SLC35B4: variants seen among roughly 807,000 people sequenced by gnomAD.
SLC35B4 encodes the protein nucleotide sugar transporter SLC35B4.
Under a neutral mutation model 39.5 loss-of-function variants are expected in SLC35B4, and 28 were observed. The ratio of observed to expected loss-of-function variants is 0.71; its 90% CI spans 0.53 to 0.97. The LOEUF is 0.97. SLC35B4 is among the 50% of genes least tolerant of loss of function. SLC35B4 has a pLI of 0.00. For missense variants in SLC35B4, 334 were observed against 414.3 expected (o/e 0.81, Z 1.68); for synonymous variants, 145 against 150.4 (o/e 0.96, Z 0.26).
chr7:134,320,092 C>T (rs1024563145), upstream of SLC35B4, among the ~76,000 whole-genome samples: 1 of 152,092 alleles, frequency 6.6e-6, no homozygotes, highest in South Asian at 2.1e-4. Flanking sequence ...ACAAACCACC[C>T]CAAACTGTAG....
chr7:134,299,412 A>AAC, intron 8 of SLC35B4, 111 bp downstream of exon 8: 1 of 768,562 alleles, frequency 1.3e-6, no homozygotes, highest in Non-Finnish European at 2.1e-6. Context: ...TTTCGAAAGG[A>AAC]ACACATGATT....
rs1803353782 is a variant in SLC35B4 at position 134,292,460 on chromosome 7, T to C, written c.*2373A>G. ...CTATTCATAAGACTGGCTGAGGTAT[T>C]CACGCTGAGATGAATACACATGCTC... On this transcript the variant is annotated 3_prime_UTR_variant, in exon 10 of 10. Coordinates refer to ENST00000378509, the MANE Select transcript of SLC35B4 (RefSeq NM_032826.5). 6.6e-6 allele frequency: 1 copy of C among 152,182 alleles called. No homozygotes were observed. The highest frequency in any genetic ancestry group is 2.1e-4 in the South Asian group (1 of 4,828). The allele number at this position is 152,182 out of a possible 1,614,324, so 9.4% of individuals were successfully genotyped here.
At chr7:134,320,338 T>C (rs943261472), upstream of SLC35B4, among the ~76,000 whole-genome samples, 2 of 152,146 alleles carry the variant, frequency 1.3e-5, no homozygotes, top group African/African-American at 4.8e-5. Flanking sequence ...GCTCACAACA[T>C]GGTGGATTCA....
chr7:134,300,297 T>G, intron 6 of SLC35B4, 36 bp from the exon 7 acceptor site: 1 of 1,439,352 alleles, frequency 6.9e-7, no homozygotes, highest in Non-Finnish European at 9.6e-7. Context: ...GATGTCTGCA[T>G]TTGTTCATTT....
At chr7:134,295,137 G>A in intron 9 of SLC35B4, 58 bp from the exon 10 acceptor site, 1 of 1,584,240 alleles carries the variant, frequency 6.3e-7, no homozygotes, top group Non-Finnish European at 8.6e-7. Flanking sequence ...ATCAGTGAGA[G>A]AACCTTCTGG....
rs192195922 is a variant in SLC35B4 at position 134,290,157 on chromosome 7, A to C, written c.*4676T>G. ...TCTTGCACTTTCTTCCTGAGCATCA[A>C]ATATGTAAGGTGCTAACTACATAAT... On this transcript the variant is annotated 3_prime_UTR_variant, in exon 10 of 10. Transcript: ENST00000378509. 6.6e-6 allele frequency: 1 copy of C among 152,306 alleles called. No homozygotes were observed. The highest frequency in any genetic ancestry group is 1.5e-5 in the Non-Finnish European group (1 of 68,028). 9.4% of individuals were successfully genotyped at this position (152,306 alleles called of 1,614,324 possible). A position where few individuals can be genotyped will look rare whatever the true frequency, so the allele number is the denominator to read the frequency against.
chr7:134,316,200 G>A (rs898646241), intron 1 of SLC35B4, among the ~76,000 whole-genome samples: 1 of 152,176 alleles, frequency 6.6e-6, no homozygotes, highest in Non-Finnish European at 1.5e-5. Flanking sequence ...AAGTCAGACT[G>A]CTTTACAAGT....
chr7:134,315,205 T>C (rs2117325526), intron 1 of SLC35B4, among the ~76,000 whole-genome samples: 1 of 152,350 alleles, frequency 6.6e-6, no homozygotes, highest in Admixed American at 6.5e-5. Flanking sequence ...TTAGATATCT[T>C]GGGTCCCATT....
In SLC35B4 at chr7:134,294,915, A is replaced by G. The variant is rs200680990; in HGVS notation, c.914T>C (p.Ile305Thr). The change falls in exon 10 of 10, where the codon ATT becomes ACT. Residue 305 changes from isoleucine to threonine, a missense_variant. Transcript: ENST00000378509. ...WHWLGTLFVF[I>T]GTLMYTEVWN... ...CACCTCTGTGTACATTAAGGTCCCAATGAAGACAAACAAGGTGCCCAGCCA... is the reference window on the plus strand; with the variant it reads ...CACCTCTGTGTACATTAAGGTCCCAGTGAAGACAAACAAGGTGCCCAGCCA... The G allele has an allele frequency of 5.9e-5, 95 of 1,614,162 alleles. 1 individual carries two copies. In the South Asian group the frequency reaches 6.3e-4, roughly 11 times the overall value.
Position 134,294,823 on chromosome 7 carries a change from C to T in SLC35B4, c.*10G>A. 6.2e-7 allele frequency: 1 copy of T among 1,613,660 alleles called. No homozygotes were observed. Among genetic ancestry groups the T allele is most frequent in the South Asian group, 1.1e-5 (1 of 90,968 alleles). ...CACGACGACACTGGTCTACGTACTC[C>T]AGACAGGCCTCAGTTCTTCTTGCTG... is the stretch of plus-strand genomic sequence containing the variant. On this transcript the variant is annotated 3_prime_UTR_variant, in exon 10 of 10. Coordinates refer to ENST00000378509, the MANE Select transcript of SLC35B4 (RefSeq NM_032826.5).
Position 134,316,655 on chromosome 7 carries a change from G to A in SLC35B4, c.77+20C>T, listed in dbSNP as rs971900298. 1 of 1,548,892 alleles carries A rather than the reference G, an allele frequency of 6.5e-7. No individual in the cohort carries two copies. Among genetic ancestry groups the A allele is most frequent in the Middle Eastern group, 1.8e-4 (1 of 5,504 alleles). On this transcript the variant is annotated intron_variant, in intron 1 of 9. Transcript: ENST00000378509. Reference sequence around the variant, plus strand: ...CGCCCCGCCCCGGGAGACCGGGTGCGGCCCGAGCGGGTCACTCACCGGGCC... The same window carrying A: ...CGCCCCGCCCCGGGAGACCGGGTGCAGCCCGAGCGGGTCACTCACCGGGCC...
chr7:134,318,217 G>A (rs1585651358), upstream of SLC35B4, among the ~76,000 whole-genome samples: 1 of 152,082 alleles, frequency 6.6e-6, no homozygotes, highest in African/African-American at 2.4e-5. Context: ...CTTGTGTATG[G>A]GTTCTAGAAA....
At chr7:134,315,880 T>G (rs1585649293) in intron 1 of SLC35B4, among the ~76,000 whole-genome samples, 1 of 152,280 alleles carries the variant, frequency 6.6e-6, no homozygotes, top group African/African-American at 2.4e-5. Context: ...TCCTGGAGGC[T>G]TTTCCACACC....
At chr7:134,313,542 C>T (rs918183413) in intron 1 of SLC35B4, among the ~76,000 whole-genome samples, 2 of 152,168 alleles carry the variant, frequency 1.3e-5, no homozygotes, top group Non-Finnish European at 2.9e-5. Flanking sequence ...AATATCAAGG[C>T]ACTCGTCCAT....
At position 134,311,788 on chromosome 7, in the gene SLC35B4, GC is replaced by G. The variant is rs546560091; in HGVS notation, c.78-2310del. On this transcript the variant is annotated intron_variant, in intron 1 of 9. Coordinates refer to ENST00000378509, the MANE Select transcript of SLC35B4 (RefSeq NM_032826.5). ...GCTTTCCACTTGATTGTCACATGCA[GC>G]CAGGTTGGAGAAATACCAGTCAAGG... 5.2e-3 allele frequency among the ~76,000 whole-genome samples: 790 copies of G among 152,302 alleles called. 11 individuals are homozygous for G. The highest frequency in any genetic ancestry group is 6.8e-3 in the Middle Eastern group (2 of 294).
At position 134,295,034 on chromosome 7, in the gene SLC35B4, G is replaced by C; in HGVS notation, c.795C>G (p.Ala265=). 1 of 1,614,174 alleles carries C rather than the reference G, an allele frequency of 6.2e-7. No individual in the cohort carries two copies. ...RGVFILTTEC[A]SLTVTLVVTL... is the part of the protein sequence containing the mutation. ...TCACGACGAGCGTGACGGTGAGGGA[G>C]GCGCATTCTGTGGTGAGGATAAACA... The change falls in exon 10 of 10, where the codon GCC becomes GCG. Residue 265 remains alanine, a synonymous_variant. Coordinates refer to ENST00000378509, the MANE Select transcript of SLC35B4 (RefSeq NM_032826.5).
Position 134,294,807 on chromosome 7 carries a change from A to C in SLC35B4, c.*26T>G. On this transcript the variant is annotated 3_prime_UTR_variant, in exon 10 of 10. Coordinates refer to ENST00000378509, the MANE Select transcript of SLC35B4 (RefSeq NM_032826.5). ...CACAGGGTCCCACCCTCACGACGAC[A>C]CTGGTCTACGTACTCCAGACAGGCC... 1 of 1,611,002 alleles carries C rather than the reference A, an allele frequency of 6.2e-7. No individual in the cohort carries two copies. Among genetic ancestry groups the C allele is most frequent in the Non-Finnish European group, 8.5e-7 (1 of 1,178,092 alleles).
rs889023448 is a variant in SLC35B4 at position 134,316,611 on chromosome 7, C to A, written c.77+64G>T. ...AGGGCGTGGGCGCGTCCCGGGGGGA[C>A]CTCTCCTCTGGCTTCCTCCGCCCCG... On this transcript the variant is annotated intron_variant, in intron 1 of 9. Coordinates refer to ENST00000378509, the MANE Select transcript of SLC35B4 (RefSeq NM_032826.5). The A allele has an allele frequency of 2.0e-5, 31 of 1,513,198 alleles. No individual in the cohort carries two copies. In the African/African-American group the frequency reaches 4.2e-4, roughly 20 times the overall value. The allele number at this position is 1,513,198 out of a possible 1,614,324, so 93.7% of individuals were successfully genotyped here.
upstream of SLC35B4, among the ~76,000 whole-genome samples, chr7:134,319,658 G>A (rs1194811930): frequency 6.6e-6 from 1 of 152,102 alleles, no homozygotes; most frequent in Non-Finnish European, 1.5e-5. Context: ...AAAATTTCCA[G>A]TGTCTTTGGA....
Sources: gnomAD v4.1 joint callset for allele counts (sites outside exome capture counted in the v4.1 genomes callset) on GRCh38, gnomAD v4.1.1 for gene constraint, MANE v1.5 for transcripts, NCBI Gene and HGNC (gene_info 2026-07-23, HGNC 2026-07-21) for gene names.